CHAT: variants seen among roughly 807,000 people sequenced by gnomAD.
CHAT encodes choline O-acetyltransferase.
Under a neutral mutation model 76.9 loss-of-function variants are expected in CHAT, and 61 were observed. That is an observed-to-expected ratio of 0.79 (90% CI 0.65 to 0.98). CHAT has a LOEUF of 0.98. CHAT is among the 50% of genes least tolerant of loss of function. The pLI is 0.00. For synonymous variants in CHAT, 407 were observed against 397.4 expected (o/e 1.02, Z -0.29); for missense variants, 946 against 986.9 (o/e 0.96, Z 0.56).
chr10:49,662,553 G>C, intron 13 of CHAT, 92 bp from the exon 14 acceptor site: 1 of 1,537,916 alleles, frequency 6.5e-7, no homozygotes, highest in South Asian at 1.1e-5. Context: ...GGCTGCTGGA[G>C]TCACCAGCAG....
intron 14 of CHAT, among the ~76,000 whole-genome samples, chr10:49,664,185 G>C (rs1840281513): frequency 6.6e-6 from 1 of 152,138 alleles, no homozygotes; most frequent in Non-Finnish European, 1.5e-5. Context: ...TTTGTGATCT[G>C]GATTACAAAA....
At chr10:49,611,360 A>G (rs1292312202), upstream of CHAT, 1 of 1,600,434 alleles carries the variant, frequency 6.2e-7, no homozygotes, top group Admixed American at 1.7e-5. Context: ...TACCCGGAGG[A>G]GCCGGAGCGC....
intron 7 of CHAT, among the ~76,000 whole-genome samples, chr10:49,640,768 G>A (rs1839453231): frequency 6.6e-6 from 1 of 152,188 alleles, no homozygotes; most frequent in Non-Finnish European, 1.5e-5. Context: ...GAAGTAGAAC[G>A]CTTATTACCT....
intron 2 of CHAT, among the ~76,000 whole-genome samples, chr10:49,619,041 T>C (rs775419154): frequency 2.0e-5 from 3 of 152,196 alleles, no homozygotes; most frequent in Non-Finnish European, 2.9e-5. Context: ...GCCTGGGTTT[T>C]ATAAGTAGGA....
chr10:49,664,647 A>T, intron 14 of CHAT, 130 bp from the exon 15 acceptor site: 2 of 1,161,618 alleles, frequency 1.7e-6, no homozygotes, highest in South Asian at 1.2e-5. Flanking sequence ...GTGTCCATCC[A>T]TGCTAAAGCA....
At chr10:49,643,902 C>G (rs1251962669) in intron 7 of CHAT, among the ~76,000 whole-genome samples, 1 of 152,178 alleles carries the variant, frequency 6.6e-6, no homozygotes, top group African/African-American at 2.4e-5. Context: ...GGGAGGGGAC[C>G]AGACCAGGGG....
At chr10:49,623,132 G>A (rs1299491304) in intron 5 of CHAT, among the ~76,000 whole-genome samples, 1 of 152,194 alleles carries the variant, frequency 6.6e-6, no homozygotes, top group Non-Finnish European at 1.5e-5. Flanking sequence ...TCCTCATGGT[G>A]TGTCTTTGGT....
intron 14 of CHAT, among the ~76,000 whole-genome samples, chr10:49,664,149 A>T (rs1840280826): frequency 6.6e-6 from 1 of 152,226 alleles, no homozygotes. Context: ...TATGGCTTGA[A>T]TGCTTTCAGA....
intron 14 of CHAT, among the ~76,000 whole-genome samples, chr10:49,663,144 T>G (rs1253880309): frequency 6.6e-6 from 1 of 152,044 alleles, no homozygotes; most frequent in Non-Finnish European, 1.5e-5. Flanking sequence ...ATAAGAGGAT[T>G]GCTTGAGCTG....
chr10:49,623,718 C>A (rs1838816518), intron 5 of CHAT, among the ~76,000 whole-genome samples: 1 of 152,186 alleles, frequency 6.6e-6, no homozygotes, highest in South Asian at 2.1e-4. Context: ...CCTTGTCGAG[C>A]CATGTCCGTA....
intron 6 of CHAT, 147 bp downstream of exon 6, chr10:49,625,800 A>G: frequency 3.8e-6 from 3 of 784,994 alleles, no homozygotes; most frequent in Non-Finnish European, 6.4e-6. Flanking sequence ...TGGGGCCCCT[A>G]CTTCCAGTCA....
chr10:49,620,267 A>G (rs563452986), intron 3 of CHAT, among the ~76,000 whole-genome samples: 184 of 152,234 alleles, frequency 1.2e-3, no homozygotes, highest in African/African-American at 4.2e-3. Context: ...GCGATGTAGC[A>G]CCAAGCCACC....
At chr10:49,642,828 G>A (rs941252151) in intron 7 of CHAT, among the ~76,000 whole-genome samples, 2 of 152,234 alleles carry the variant, frequency 1.3e-5, no homozygotes, top group Non-Finnish European at 2.9e-5. Flanking sequence ...AGCTGCCTAT[G>A]GCCCCGGCTT....
At position 49,623,058 on chromosome 10, in the gene CHAT, G is replaced by A. The variant is rs1468757470; in HGVS notation, c.752+908G>A. On this transcript the variant is annotated intron_variant, in intron 5 of 14. Coordinates refer to ENST00000337653, the MANE Select transcript of CHAT (RefSeq NM_020549.5). ...CTGTCCAGGGCATTCTGCACCACACGCTCCTGTGTGCTCTGCTCACTCCTC... is the reference window on the plus strand; with the variant it reads ...CTGTCCAGGGCATTCTGCACCACACACTCCTGTGTGCTCTGCTCACTCCTC... Among the ~76,000 whole-genome samples, 7 of 152,158 alleles carry A rather than the reference G, an allele frequency of 4.6e-5. No individual in the cohort carries two copies. The East Asian group carries it at 5.8e-4, about 13-fold the overall frequency.
chr10:49,615,799 G>T (rs898478691), intron 1 of CHAT: 2 of 549,200 alleles, frequency 3.6e-6, no homozygotes, highest in East Asian at 5.7e-5. Flanking sequence ...TAGGGGCCCT[G>T]GCTGCCCAGC....
chr10:49,640,907 T>C (rs1015417265), intron 7 of CHAT, among the ~76,000 whole-genome samples: 1 of 152,268 alleles, frequency 6.6e-6, no homozygotes, highest in Admixed American at 6.5e-5. Context: ...GGTTCTTCAA[T>C]GCAAATTGGA....
In CHAT at chr10:49,622,078, G is replaced by T; in HGVS notation, c.699-19G>T. ...CCAGGCCCTGGGAGGAAGGGCTCAG[G>T]CCTCCCTTCTCCCTGCAGGTTTGCA... On this transcript the variant is annotated intron_variant, in intron 4 of 14. Transcript: ENST00000337653. The T allele has an allele frequency of 8.8e-7, 1 of 1,139,780 alleles. No individual in the cohort carries two copies. 70.6% of individuals were successfully genotyped at this position (1,139,780 alleles called of 1,614,324 possible).
rs992054912 is a variant in CHAT at position 49,665,015 on chromosome 10, C to A, written c.2216C>A (p.Ala739Asp). 6.2e-7 allele frequency: 1 copy of A among 1,614,164 alleles called. No individual in the cohort carries two copies. Among genetic ancestry groups the A allele is most frequent in the Non-Finnish European group, 8.5e-7 (1 of 1,180,044 alleles). Reference sequence around the variant, plus strand: ...AAGCCATTGGCAACAAAGGAAAAAGCCACGAGGCCCAGCCAGGGACACCAA... The same window carrying A: ...AAGCCATTGGCAACAAAGGAAAAAGACACGAGGCCCAGCCAGGGACACCAA... ...ESKPLATKEK[A>D]TRPSQGHQP Residue 739 changes from alanine to aspartate, a missense_variant, in exon 15 of 15, where the codon GCC becomes GAC. Around this residue, in one of 3 missense-constraint regions of CHAT, gnomAD observed 349 missense variants for 393.9 expected, o/e 0.89. Transcript: ENST00000337653.
intron 11 of CHAT, among the ~76,000 whole-genome samples, chr10:49,653,520 C>T (rs76175041): frequency 0.024 from 3,648 of 152,276 alleles, 162 homozygotes; most frequent in African/African-American, 0.082. Context: ...AGGCAGCACC[C>T]GTGTAGACAC....
Sources: gnomAD v4.1 joint callset for allele counts (sites outside exome capture counted in the v4.1 genomes callset) on GRCh38, gnomAD v4.1.1 for gene constraint, gnomAD v4.1.1 regional missense constraint, MANE v1.5 for transcripts, NCBI Gene and HGNC (gene_info 2026-07-23, HGNC 2026-07-21) for gene names.